ADARB1: variants seen among roughly 807,000 people sequenced by gnomAD.
The protein encoded by ADARB1 is double-stranded RNA-specific editase 1.
A neutral mutation model predicts 52.4 loss-of-function variants in ADARB1; 10 were observed. The observed-to-expected ratio is 0.19, with a 90% CI of 0.12 to 0.32. ADARB1 has a LOEUF of 0.32. Among genes scored for constraint, ADARB1 ranks in the 10% least tolerant of loss-of-function variants. The pLI is 1.00. For missense variants in ADARB1, 643 were observed against 922.3 expected (o/e 0.70, Z 3.92); for synonymous variants, 349 against 371.1 (o/e 0.94, Z 0.68).
At chr21:45,102,857 A>T (rs963260642) in intron 1 of ADARB1, among the ~76,000 whole-genome samples, 17 of 152,170 alleles carry the variant, frequency 1.1e-4, no homozygotes, top group Admixed American at 4.6e-4. Context: ...CCCCAAGGCA[A>T]GGGCTGTGCA....
chr21:45,139,933 CTTTTTTTTTTTTTTTTTTT>C (rs200847132), intron 2 of ADARB1, among the ~76,000 whole-genome samples: 1 of 84,936 alleles, frequency 1.2e-5, no homozygotes, highest in South Asian at 4.8e-4. Context: ...CAATAAAACT[CTTTTTTTTTTTTTTTTTTT>C]TTTTTTTTGA....
intron 1 of ADARB1, among the ~76,000 whole-genome samples, chr21:45,110,204 A>G (rs2087471432): frequency 6.6e-6 from 1 of 152,220 alleles, no homozygotes; most frequent in Admixed American, 6.5e-5. Context: ...TTCCTTGAGG[A>G]GAAACCATTT....
intron 6 of ADARB1, among the ~76,000 whole-genome samples, chr21:45,183,145 A>G (rs2091985869): frequency 2.0e-5 from 3 of 152,210 alleles, no homozygotes; most frequent in African/African-American, 7.2e-5. Context: ...TTCTGTTCTG[A>G]AGTCATAAAT....
chr21:45,223,318 T>C lies in ADARB1; in HGVS notation c.*1121T>C, dbSNP rs981957622. The C allele has an allele frequency of 2.1e-5, 21 of 985,382 alleles. No individual in the cohort carries two copies. Among genetic ancestry groups the C allele is most frequent in the Non-Finnish European group, 2.4e-5 (20 of 829,960 alleles). The allele number at this position is 985,382 out of a possible 1,614,324, so 61.0% of individuals were successfully genotyped here. ...GTGAGACCACGTGCTGCTGGCGTAG[T>C]GTAGGCCAGACATTGACAGTCCTGA... On this transcript the variant is annotated 3_prime_UTR_variant, in exon 11 of 11. Transcript: ENST00000348831.
intron 1 of ADARB1, among the ~76,000 whole-genome samples, chr21:45,098,323 C>G (rs966421677): frequency 4.1e-4 from 62 of 152,222 alleles, no homozygotes; most frequent in African/African-American, 1.3e-3. Context: ...ATGGCCTCCT[C>G]CCTTGGACCA....
At chr21:45,168,433 A>C (rs1321768801) in intron 2 of ADARB1, among the ~76,000 whole-genome samples, 2 of 152,152 alleles carry the variant, frequency 1.3e-5, no homozygotes, top group Non-Finnish European at 2.9e-5. Flanking sequence ...ACTTTCTAAA[A>C]GTTTTATAGT....
chr21:45,155,573 AC>A (rs1279383802), intron 2 of ADARB1, among the ~76,000 whole-genome samples: 2 of 151,342 alleles, frequency 1.3e-5, no homozygotes, highest in Non-Finnish European at 2.9e-5. Flanking sequence ...TTACCCATCT[AC>A]CCACCCATCC....
rs1335800216 is a variant in ADARB1 at position 45,204,441 on chromosome 21, T to G, written c.1566-114T>G. Reference sequence around the variant, plus strand: ...CTTTTTGTTGCACTCCTTCGTCAGTTGGTTGGGATCCTGCGGAATTGCCAG... The same window carrying G: ...CTTTTTGTTGCACTCCTTCGTCAGTGGGTTGGGATCCTGCGGAATTGCCAG... On this transcript the variant is annotated intron_variant, in intron 8 of 10. Coordinates refer to ENST00000348831, the MANE Select transcript of ADARB1 (RefSeq NM_001112.4). This position sits in a 1 kb window ranked among gnomAD's most constrained non-coding sequence, Gnocchi z 4.4. The G allele has an allele frequency of 2.0e-6, 2 of 1,001,790 alleles. No homozygotes were observed. The highest frequency in any genetic ancestry group is 3.2e-4 in the Middle Eastern group (1 of 3,082). The allele number at this position is 1,001,790 out of a possible 1,614,324, so 62.1% of individuals were successfully genotyped here. A position where few individuals can be genotyped will look rare whatever the true frequency, so the allele number is the denominator to read the frequency against.
At chr21:45,101,607 A>G (rs1409823238) in intron 1 of ADARB1, among the ~76,000 whole-genome samples, 1 of 152,240 alleles carries the variant, frequency 6.6e-6, no homozygotes, top group Non-Finnish European at 1.5e-5. Context: ...TTGCTTCTTA[A>G]GTAATCAGTG....
chr21:45,147,509 T>C (rs2090065452), intron 2 of ADARB1, among the ~76,000 whole-genome samples: 1 of 152,134 alleles, frequency 6.6e-6, no homozygotes, highest in African/African-American at 2.4e-5. Flanking sequence ...CAAGGTGACT[T>C]GTAATATGAA....
rs148923411 is a variant in ADARB1, at chr21:45,161,202, G to A, written c.-47-10408G>A. Among the ~76,000 whole-genome samples, 21 of 152,302 alleles carry A rather than the reference G, an allele frequency of 1.4e-4. No homozygotes were observed. In the East Asian group the frequency reaches 2.7e-3, roughly 20 times the overall value. On this transcript the variant is annotated intron_variant, in intron 2 of 10. Coordinates refer to ENST00000348831, the MANE Select transcript of ADARB1 (RefSeq NM_001112.4). ...TGTGCTCCGCAAGTTGGTGGGAACC[G>A]GGAACAGGTGGAAGCCCCACCCCCT... is the stretch of plus-strand genomic sequence containing the variant.
intron 1 of ADARB1, among the ~76,000 whole-genome samples, chr21:45,095,634 G>A (rs954110830): frequency 4.0e-4 from 61 of 152,240 alleles, no homozygotes; most frequent in African/African-American, 1.4e-3. Context: ...TTCCTTCTCG[G>A]GCTTGGCTCC....
chr21:45,223,179 A>C lies in ADARB1; in HGVS notation c.*982A>C. ...CGCCCGAAGGCCTTCACAGGATGGA[A>C]GTAGAATGATTTCAGTAGATACTCA... On this transcript the variant is annotated 3_prime_UTR_variant, in exon 11 of 11. Coordinates refer to ENST00000348831, the MANE Select transcript of ADARB1 (RefSeq NM_001112.4). 2.0e-6 allele frequency: 2 copies of C among 985,502 alleles called. No individual in the cohort carries two copies. The highest frequency in any genetic ancestry group is 3.5e-5 in the African/African-American group (2 of 57,376). The allele number at this position is 985,502 out of a possible 1,614,324, so 61.0% of individuals were successfully genotyped here.
At chr21:45,184,417 G>A (rs181062923) in intron 7 of ADARB1, 5 of 183,694 alleles carry the variant, frequency 2.7e-5, no homozygotes, top group Non-Finnish European at 5.8e-5. Flanking sequence ...AATTTTGTTT[G>A]TGTTATGTCC....
intron 1 of ADARB1, among the ~76,000 whole-genome samples, chr21:45,077,533 G>C (rs557188926): frequency 6.6e-6 from 1 of 152,166 alleles, no homozygotes; most frequent in Non-Finnish European, 1.5e-5. Flanking sequence ...CGGGCATGGT[G>C]GTGGGCGCCT....
chr21:45,110,333 T>C (rs944616976), intron 1 of ADARB1, among the ~76,000 whole-genome samples: 26 of 152,222 alleles, frequency 1.7e-4, no homozygotes, highest in African/African-American at 4.8e-4. Context: ...TAGTTTCTTA[T>C]TTCCCACGAA....
Position 45,221,112 on chromosome 21 carries a change from C to A in ADARB1, c.1926+98C>A. ...TCCTTAAGTTGTTTCATCATGTCAT[C>A]ATGCACAGCTTCCGAAAACGATCAC... On this transcript the variant is annotated intron_variant, in intron 10 of 10. Transcript: ENST00000348831. The surrounding 1 kb of genome is among the most constrained non-coding windows in gnomAD (Gnocchi z 4.9). The A allele has an allele frequency of 7.5e-7, 1 of 1,331,598 alleles. No individual in the cohort carries two copies. The highest frequency in any genetic ancestry group is 1.4e-5 in the South Asian group (1 of 69,244). The allele number at this position is 1,331,598 out of a possible 1,614,324, so 82.5% of individuals were successfully genotyped here.
At chr21:45,089,219 C>G (rs2086466153) in intron 1 of ADARB1, among the ~76,000 whole-genome samples, 1 of 152,212 alleles carries the variant, frequency 6.6e-6, no homozygotes, top group African/African-American at 2.4e-5. Flanking sequence ...TCCTCATGCT[C>G]ACAACTTACA....
chr21:45,135,709 T>C (rs764776785), intron 2 of ADARB1, among the ~76,000 whole-genome samples: 14 of 152,238 alleles, frequency 9.2e-5, no homozygotes, highest in Non-Finnish European at 2.1e-4. Context: ...CTGACAAGTC[T>C]GCCATCCACA....
Sources: gnomAD v4.1 joint callset for allele counts (sites outside exome capture counted in the v4.1 genomes callset) on GRCh38, gnomAD v4.1.1 for gene constraint, Gnocchi (gnomAD v3.1) non-coding constraint, MANE v1.5 for transcripts, NCBI Gene and HGNC (gene_info 2026-07-23, HGNC 2026-07-21) for gene names.